Variants in THAP12 observed in about 807,000 individuals in gnomAD.
The protein encoded by THAP12 is 52 kDa repressor of the inhibitor of the protein kinase.
A neutral mutation model predicts 63.0 loss-of-function variants in THAP12; 20 were observed. The ratio of observed to expected loss-of-function variants is 0.32; its 90% confidence interval spans 0.22 to 0.46. The LOEUF is 0.46. Ranked by LOEUF, THAP12 falls within the 20% of genes least tolerant of loss-of-function variation. The pLI is 1.00. For missense variants in THAP12, 568 were observed against 908.2 expected (o/e 0.63, Z 4.81); for synonymous variants, 264 against 328.4 (o/e 0.80, Z 2.12).
chr11:76,373,445 G>A (rs1029981519), intron 1 of THAP12, among the ~76,000 whole-genome samples: 42 of 151,656 alleles, frequency 2.8e-4, no homozygotes, highest in African/African-American at 9.9e-4. Flanking sequence ...GCTGGGCGTG[G>A]TGTCTCACAT....
At chr11:76,374,279 T>A (rs1025476913) in intron 1 of THAP12, among the ~76,000 whole-genome samples, 3 of 152,194 alleles carry the variant, frequency 2.0e-5, no homozygotes, top group Middle Eastern at 3.2e-3. Context: ...TAGTCTATCT[T>A]GCACTTTTAT....
intron 4 of THAP12, among the ~76,000 whole-genome samples, chr11:76,354,977 T>C (rs914999356): frequency 5.9e-5 from 9 of 152,222 alleles, no homozygotes; most frequent in Non-Finnish European, 1.3e-4. Context: ...CTCACGGCTA[T>C]TGTGAGAATT....
At chr11:76,359,368 T>TG (rs1302061982) in intron 3 of THAP12, 1 of 152,198 alleles carries the variant, frequency 6.6e-6, no homozygotes, top group African/African-American at 2.4e-5. Context: ...TAGTTAATAC[T>TG]TTACAATAGT....
intron 1 of THAP12, among the ~76,000 whole-genome samples, chr11:76,370,841 A>T (rs12291864): frequency 0.021 from 2,028 of 96,266 alleles, 32 homozygotes; most frequent in African/African-American, 0.052. Context: ...AAAAAAAAAA[A>T]AAATATATAT....
Position 76,351,421 on chromosome 11 carries a change from T to C in THAP12, c.1729A>G (p.Thr577Ala), listed in dbSNP as rs754184061. Reference sequence around the variant, plus strand: ...TGCTCCACTGTTGGGACACTTAGGGTTTCTTTATAGTAACTCTCAGAGGTT... The same window carrying C: ...TGCTCCACTGTTGGGACACTTAGGGCTTCTTTATAGTAACTCTCAGAGGTT... Reference protein sequence around the residue: ...QLTSESYYKETLSVPTVEHII... With the variant: ...QLTSESYYKEALSVPTVEHII... Residue 577 changes from threonine (T) to alanine (A), a missense_variant, in exon 5 of 5, where the codon ACC (threonine) becomes GCC (alanine). Thr to Ala is a moderately conservative substitution (Grantham distance 58). Transcript: ENST00000260045. The C allele has an allele frequency of 1.7e-5, 27 of 1,603,708 alleles. No homozygotes were observed. Among genetic ancestry groups the C allele is most frequent in the Non-Finnish European group, 2.2e-5 (26 of 1,172,672 alleles).
At position 76,380,742 on chromosome 11, in the gene THAP12, G is replaced by T; in HGVS notation, c.89+6C>A. On this transcript the variant is annotated splice_donor_region_variant and intron_variant, in intron 1 of 4. Transcript: ENST00000260045. ...CCGGGCCGCCCGCTCTGCGCCCGCC[G>T]CTTACCTGGCAGGGTCCCGCGGGAA... 7.0e-7 allele frequency: 1 copy of T among 1,437,116 alleles called. No individual in the cohort carries two copies. The highest frequency in any genetic ancestry group is 9.2e-7 in the Non-Finnish European group (1 of 1,086,632). 89.0% of individuals were successfully genotyped at this position (1,437,116 alleles called of 1,614,324 possible). A position where few individuals can be genotyped will look rare whatever the true frequency, so the allele number is the denominator to read the frequency against.
intron 1 of THAP12, among the ~76,000 whole-genome samples, chr11:76,375,390 C>CTTT (rs533659659): frequency 2.0e-4 from 26 of 132,922 alleles, no homozygotes; most frequent in African/African-American, 3.0e-4. Flanking sequence ...AAGACTTAGG[C>CTTT]TTTTTTTTTT....
chr11:76,368,086 T>C (rs994064602), intron 1 of THAP12, among the ~76,000 whole-genome samples: 13 of 152,214 alleles, frequency 8.5e-5, no homozygotes, highest in African/African-American at 3.1e-4. Context: ...TTTTAAATTC[T>C]TAAATCTCTG....
chr11:76,352,276 C>T lies in THAP12; in HGVS notation c.874G>A (p.Glu292Lys), dbSNP rs1590798465. 6.2e-7 allele frequency: 1 copy of T among 1,611,788 alleles called. No individual in the cohort carries two copies. Among genetic ancestry groups the T allele is most frequent in the Non-Finnish European group, 8.5e-7 (1 of 1,179,800 alleles). ...FVDESHNLRE[E>K]FIGFLPYEAD... ...TCATAAGGCAGGAAGCCTATAAATT[C>T]CTCTCTTAGGTTATGAGATTCATCA... The change falls in exon 5 of 5, where the codon GAA (glutamate) becomes AAA (lysine). Residue 292 changes from glutamate to lysine, a missense_variant. Transcript: ENST00000260045.
chr11:76,370,070 C>A (rs1165770742), intron 1 of THAP12, among the ~76,000 whole-genome samples: 1 of 152,166 alleles, frequency 6.6e-6, no homozygotes, highest in Admixed American at 6.5e-5. Context: ...TGGGAGTGGG[C>A]ACAAAAGAGG....
chr11:76,362,427 G>A lies in THAP12; in HGVS notation c.211-1364C>T, dbSNP rs560261401. Among the ~76,000 whole-genome samples the A allele has an allele frequency of 2.0e-5, 3 of 152,312 alleles. No homozygotes were observed. In the East Asian group the frequency reaches 5.8e-4, roughly 29 times the overall value. Reference sequence around the variant, plus strand: ...ACCCAAAGAGTTGTTAAACACATTTGGGATGAATTTCTATTCAGAGTCAAT... The same window carrying A: ...ACCCAAAGAGTTGTTAAACACATTTAGGATGAATTTCTATTCAGAGTCAAT... On this transcript the variant is annotated intron_variant, in intron 2 of 4. Transcript: ENST00000260045.
In THAP12 at chr11:76,366,104, T is replaced by C. The variant is rs1188137008; in HGVS notation, c.90-132A>G. The stretch of plus-strand genomic sequence containing the variant: ...TCCCTGAGAACATAATTTGGAGAAT[T>C]TGATTAATAACAAAATAACAGTTGG... On this transcript the variant is annotated intron_variant, in intron 1 of 4. Transcript: ENST00000260045. The C allele has an allele frequency of 4.7e-6, 5 of 1,070,294 alleles. No homozygotes were observed. In the African/African-American group the frequency reaches 6.4e-5, roughly 14 times the overall value. The allele number at this position is 1,070,294 out of a possible 1,614,324, so 66.3% of individuals were successfully genotyped here. A position where few individuals can be genotyped will look rare whatever the true frequency, so the allele number is the denominator to read the frequency against.
At chr11:76,367,856 CTA>C (rs1368595308) in intron 1 of THAP12, among the ~76,000 whole-genome samples, 1 of 151,928 alleles carries the variant, frequency 6.6e-6, no homozygotes. Flanking sequence ...AGGTAAAATG[CTA>C]TGATTTTTAA....
chr11:76,380,366 T>C (rs765894366), intron 1 of THAP12, among the ~76,000 whole-genome samples: 4 of 152,096 alleles, frequency 2.6e-5, no homozygotes, highest in Admixed American at 6.5e-5. Flanking sequence ...GCCACAACCA[T>C]AGAGTCCTGC....
chr11:76,370,370 T>A (rs983311975), intron 1 of THAP12, among the ~76,000 whole-genome samples: 2 of 150,726 alleles, frequency 1.3e-5, no homozygotes, highest in African/African-American at 4.9e-5. Context: ...TTTTTTGGGG[T>A]TTTTTTTTGA....
At chr11:76,358,195 G>GGA (rs1163648704) in intron 3 of THAP12, 9 of 129,732 alleles carry the variant, frequency 6.9e-5, no homozygotes, top group African/African-American at 2.6e-4. Flanking sequence ...TTTTCTAGGA[G>GGA]AAAAAAAAAA....
At chr11:76,360,572 A>G (rs1483922341) in intron 3 of THAP12, among the ~76,000 whole-genome samples, 1 of 152,162 alleles carries the variant, frequency 6.6e-6, no homozygotes, top group East Asian at 1.9e-4. Flanking sequence ...AAAACATTCC[A>G]TGTCTCCACT....
chr11:76,375,159 C>T (rs1290273497), intron 1 of THAP12, among the ~76,000 whole-genome samples: 1 of 152,230 alleles, frequency 6.6e-6, no homozygotes, highest in Non-Finnish European at 1.5e-5. Context: ...CTCAATCAGC[C>T]TTCATTAAAT....
At chr11:76,355,286 A>C (rs1946553630) in intron 4 of THAP12, among the ~76,000 whole-genome samples, 1 of 152,226 alleles carries the variant, frequency 6.6e-6, no homozygotes. Context: ...GGGTGGACAG[A>C]AAAAGAGATT....
Sources: allele counts gnomAD v4.1 joint callset (sites outside exome capture counted in the v4.1 genomes callset), GRCh38; gene constraint gnomAD v4.1.1; transcripts MANE v1.5; gene names NCBI Gene and HGNC (gene_info 2026-07-23, HGNC 2026-07-21).